GRIA1: variants seen among roughly 807,000 people sequenced by gnomAD.
The protein encoded by GRIA1 is glutamate ionotropic receptor AMPA type subunit 1.
Under a neutral mutation model 99.2 loss-of-function variants are expected in GRIA1, and 31 were observed. The observed-to-expected ratio is 0.31, with a 90% CI of 0.23 to 0.42. GRIA1 has a LOEUF of 0.42. GRIA1 is among the 10% of genes least tolerant of loss of function. The probability of loss-of-function intolerance (pLI) is 1.00; values close to 1 mark genes in which losing one functional copy is unlikely to be tolerated. For synonymous variants in GRIA1, 438 were observed against 432.4 expected (o/e 1.01, Z -0.16); for missense variants, 782 against 1,157.5 (o/e 0.68, Z 4.71).
At chr5:153,496,533 C>T (rs559468787) in intron 2 of GRIA1, among the ~76,000 whole-genome samples, 2 of 152,306 alleles carry the variant, frequency 1.3e-5, no homozygotes, top group East Asian at 3.9e-4. Context: ...TTTTCTTTAG[C>T]TCCCAGATCC....
At chr5:153,656,006 C>G in intron 5 of GRIA1, 134 bp downstream of exon 5, 1 of 707,648 alleles carries the variant, frequency 1.4e-6, no homozygotes, top group South Asian at 1.6e-5. Flanking sequence ...TGAGTCTTGG[C>G]AATACTACAT....
chr5:153,490,628 G>C, upstream of GRIA1: 1 of 527,974 alleles, frequency 1.9e-6, no homozygotes, highest in Non-Finnish European at 3.4e-6. Flanking sequence ...GGGGGAGCCA[G>C]CGCTCCAGCT....
At position 153,705,691 on chromosome 5, in the gene GRIA1, T is replaced by TTTTTC. The variant is rs757346467; in HGVS notation, c.1453-4_1453-3insTTCTT. Reference sequence around the variant, plus strand: ...TTTTTTTTTTTTTTTTTTTTTTTTTTTTCAGAGAGCAGATGTGGCTGTGGC... The same window carrying TTTTTC: ...TTTTTTTTTTTTTTTTTTTTTTTTTTTTTTCTTCAGAGAGCAGATGTGGCTGTGGC... On this transcript the variant is annotated splice_polypyrimidine_tract_variant and splice_region_variant and intron_variant, in intron 10 of 15. Transcript: ENST00000285900. 31 of 1,292,028 alleles carry TTTTTC rather than the reference T, an allele frequency of 2.4e-5. No individual in the cohort carries two copies. The African/African-American group carries it at 5.0e-4, about 21-fold the overall frequency. 80.0% of individuals were successfully genotyped at this position (1,292,028 alleles called of 1,614,324 possible). A position where few individuals can be genotyped will look rare whatever the true frequency, so the allele number is the denominator to read the frequency against.
At chr5:153,779,334 C>T (rs1405873529) in intron 13 of GRIA1, among the ~76,000 whole-genome samples, 1 of 152,188 alleles carries the variant, frequency 6.6e-6, no homozygotes, top group African/African-American at 2.4e-5. Flanking sequence ...CCACAGCCCA[C>T]CTTTGTGCTA....
At chr5:153,655,214 T>C (rs76343216) in intron 4 of GRIA1, among the ~76,000 whole-genome samples, 6,411 of 152,228 alleles carry the variant, frequency 0.042, 153 homozygotes, top group Middle Eastern at 0.088. Flanking sequence ...AGCTTCTAAG[T>C]TGGGCAATCC....
At chr5:153,549,688 A>C (rs1759951834) in intron 2 of GRIA1, among the ~76,000 whole-genome samples, 1 of 152,164 alleles carries the variant, frequency 6.6e-6, no homozygotes, top group Non-Finnish European at 1.5e-5. Flanking sequence ...TTTTCCAGGA[A>C]ACTAATTGTC....
chr5:153,746,264 G>C (rs552300607), intron 11 of GRIA1, among the ~76,000 whole-genome samples: 5 of 152,306 alleles, frequency 3.3e-5, no homozygotes, highest in Admixed American at 2.0e-4. Flanking sequence ...TGCTAGCTCA[G>C]TTGGGGATAT....
intron 11 of GRIA1, among the ~76,000 whole-genome samples, chr5:153,738,284 TCAC>T (rs1761533104): frequency 6.6e-6 from 1 of 152,154 alleles, no homozygotes; most frequent in Non-Finnish European, 1.5e-5. Context: ...TCAGAAAATG[TCAC>T]CACTCTCTTC....
upstream of GRIA1, chr5:153,490,605 G>A: frequency 2.0e-6 from 1 of 495,618 alleles, no homozygotes; most frequent in Non-Finnish European, 3.6e-6. Flanking sequence ...TGCGAGGGGA[G>A]AGGAGAGGGA....
chr5:153,520,599 C>T (rs1473364127), intron 2 of GRIA1, among the ~76,000 whole-genome samples: 1 of 152,024 alleles, frequency 6.6e-6, no homozygotes, highest in African/African-American at 2.4e-5. Flanking sequence ...TGTATACAAG[C>T]AATGGAAGGA....
intron 13 of GRIA1, among the ~76,000 whole-genome samples, chr5:153,771,625 A>T (rs1744723048): frequency 6.6e-6 from 1 of 152,250 alleles, no homozygotes; most frequent in Admixed American, 6.5e-5. Context: ...CCTAGAGAAC[A>T]TCTACTTCCT....
chr5:153,772,433 A>G lies in GRIA1; in HGVS notation c.2270+2018A>G, dbSNP rs892233057. 1.4e-4 allele frequency among the ~76,000 whole-genome samples: 21 copies of G among 152,338 alleles called. 1 individual carries two copies. The highest frequency in any genetic ancestry group is 5.0e-4 in the African/African-American group (21 of 41,586). ...ACTAAGTGTTCTTGGAACACAGGTA[A>G]TAATACAGAGGAGAAATGTTTAAGC... On this transcript the variant is annotated intron_variant, in intron 13 of 15. Transcript: ENST00000285900.
At chr5:153,502,918 G>A (rs1755145543) in intron 2 of GRIA1, among the ~76,000 whole-genome samples, 2 of 152,086 alleles carry the variant, frequency 1.3e-5, no homozygotes, top group African/African-American at 4.8e-5. Context: ...ATAGTACTAA[G>A]GATACATTTT....
chr5:153,508,838 T>C (rs1755786390), intron 2 of GRIA1, among the ~76,000 whole-genome samples: 1 of 146,284 alleles, frequency 6.8e-6, no homozygotes, highest in African/African-American at 2.6e-5. Flanking sequence ...AGGTCAACCA[T>C]GATTCTGATT....
intron 2 of GRIA1, among the ~76,000 whole-genome samples, chr5:153,602,330 T>C (rs888238986): frequency 2.4e-4 from 34 of 143,508 alleles, no homozygotes; most frequent in Non-Finnish European, 4.5e-4. Flanking sequence ...AATTGAACAA[T>C]GAGAACACAT....
At chr5:153,562,474 A>T (rs1761213373) in intron 2 of GRIA1, among the ~76,000 whole-genome samples, 1 of 152,214 alleles carries the variant, frequency 6.6e-6, no homozygotes, top group Non-Finnish European at 1.5e-5. Flanking sequence ...AGGTCTTGCA[A>T]GATGCATTCT....
chr5:153,605,184 C>G (rs1229719503), intron 2 of GRIA1, among the ~76,000 whole-genome samples: 1 of 145,506 alleles, frequency 6.9e-6, no homozygotes, highest in Non-Finnish European at 1.5e-5. Flanking sequence ...GAGACTCTGT[C>G]TCAAAAAAAA....
At chr5:153,763,469 G>A (rs1230003973) in intron 11 of GRIA1, among the ~76,000 whole-genome samples, 1 of 152,186 alleles carries the variant, frequency 6.6e-6, no homozygotes, top group Non-Finnish European at 1.5e-5. Flanking sequence ...AGGTACAGGG[G>A]CTCCAGAATA....
intron 2 of GRIA1, among the ~76,000 whole-genome samples, chr5:153,508,389 A>T (rs913814510): frequency 6.6e-6 from 1 of 152,146 alleles, no homozygotes; most frequent in African/African-American, 2.4e-5. Context: ...AAAAAGTCAC[A>T]TGTGGCTAGT....
Sources: gnomAD v4.1 joint callset for allele counts (sites outside exome capture counted in the v4.1 genomes callset) on GRCh38, gnomAD v4.1.1 for gene constraint, MANE v1.5 for transcripts, NCBI Gene and HGNC (gene_info 2026-07-23, HGNC 2026-07-21) for gene names.